Variants in ETV7 observed in about 807,000 individuals in gnomAD.
The protein encoded by ETV7 is transcription factor ETV7.
A neutral mutation model predicts 39.1 loss-of-function variants in ETV7; 43 were observed. The observed-to-expected ratio is 1.10, with a 90% CI of 0.86 to 1.42. The LOEUF is 1.42. ETV7 is among the 40% of genes most tolerant of loss of function. The pLI is 0.00. For missense variants in ETV7, 432 were observed against 442.3 expected (o/e 0.98, Z 0.21); for synonymous variants, 196 against 176.6 (o/e 1.11, Z -0.87).
chr6:36,360,648 C>T (rs1382701789), intron 7 of ETV7, among the ~76,000 whole-genome samples: 3 of 152,178 alleles, frequency 2.0e-5, no homozygotes, highest in Non-Finnish European at 4.4e-5. Flanking sequence ...CCCGGCCCCA[C>T]ACTAACACAA....
chr6:36,372,799 G>A (rs1001518180), intron 4 of ETV7, among the ~76,000 whole-genome samples: 6 of 147,500 alleles, frequency 4.1e-5, no homozygotes, highest in African/African-American at 7.6e-5. Context: ...GGCAGGCAGC[G>A]TGGGTGCACA....
downstream of ETV7, among the ~76,000 whole-genome samples, chr6:36,364,991 A>C (rs571058921): frequency 6.6e-6 from 1 of 152,186 alleles, no homozygotes; most frequent in Non-Finnish European, 1.5e-5. Context: ...CTCATGGGCT[A>C]TCACAGCTTT....
chr6:36,371,016 G>A (rs947864262), intron 5 of ETV7, among the ~76,000 whole-genome samples: 4 of 152,220 alleles, frequency 2.6e-5, no homozygotes, highest in Non-Finnish European at 5.9e-5. Context: ...CTGGCACATA[G>A]TGAATGCTCA....
At chr6:36,380,356 T>A (rs1429148594) in intron 2 of ETV7, among the ~76,000 whole-genome samples, 2 of 152,190 alleles carry the variant, frequency 1.3e-5, no homozygotes, top group Non-Finnish European at 2.9e-5. Context: ...TTAACCATCT[T>A]TGTCTCTCAA....
chr6:36,359,914 T>C (rs1050657152), intron 7 of ETV7, among the ~76,000 whole-genome samples: 2 of 152,124 alleles, frequency 1.3e-5, no homozygotes, highest in African/African-American at 4.8e-5. Context: ...TTTTTTTCTT[T>C]TGAGACCGAG....
intron 1 of ETV7, 135 bp downstream of exon 1, chr6:36,387,401 G>A: frequency 1.6e-6 from 2 of 1,265,082 alleles, no homozygotes; most frequent in Non-Finnish European, 2.3e-6. Flanking sequence ...TGAGGTTTAG[G>A]AATGTGTTGG....
At chr6:36,355,940 G>A (rs181238393) in intron 7 of ETV7, among the ~76,000 whole-genome samples, 195 of 152,274 alleles carry the variant, frequency 1.3e-3, no homozygotes, top group Non-Finnish European at 2.1e-3. Context: ...CTCCTCCTAC[G>A]ACAGAGATAA....
chr6:36,364,328 G>A (rs890612331), downstream of ETV7, among the ~76,000 whole-genome samples: 2 of 152,354 alleles, frequency 1.3e-5, no homozygotes, highest in African/African-American at 2.4e-5. Flanking sequence ...CCCATGGAGC[G>A]GGTGGGAGGC....
chr6:36,371,486 T>C lies in ETV7; in HGVS notation c.508A>G (p.Asn170Asp). Residue 170 changes from asparagine to aspartate, a missense_variant, in exon 5 of 8, where the codon AAC (asparagine) becomes GAC (aspartate). Physicochemically the swap from Asn to Asp is conservative, Grantham distance 23. Coordinates refer to ENST00000340181, the MANE Select transcript of ETV7 (RefSeq NM_016135.4). ...CCAGGGTCATCCAGGTGGCCGAAGT[T>C]GCTGGTAAGCCCTGGGTCTGGTGGC... is the stretch of plus-strand genomic sequence containing the variant. ...LQPPDPGLTS[N>D]FGHLDDPGLA... 6.2e-7 allele frequency: 1 copy of C among 1,605,484 alleles called. No individual in the cohort carries two copies. Among genetic ancestry groups the C allele is most frequent in the South Asian group, 1.1e-5 (1 of 89,270 alleles).
chr6:36,370,385 A>C (rs1410652375), intron 5 of ETV7, among the ~76,000 whole-genome samples: 1 of 152,052 alleles, frequency 6.6e-6, no homozygotes, highest in African/African-American at 2.4e-5. Flanking sequence ...TAAAACAAAA[A>C]TTAGCCAGGT....
chr6:36,379,046 T>A (rs1242773991), intron 2 of ETV7, among the ~76,000 whole-genome samples: 1 of 152,218 alleles, frequency 6.6e-6, no homozygotes, highest in African/African-American at 2.4e-5. Flanking sequence ...TGGTGATACA[T>A]GAGACGCCGA....
At position 36,366,896 on chromosome 6, in the gene ETV7, G is replaced by C; in HGVS notation, c.887C>G (p.Pro296Arg). Residue 296 changes from proline (P) to arginine (R), a missense_variant, in exon 7 of 8, where the codon CCG becomes CGG. Physicochemically the swap from Pro to Arg is moderately radical, Grantham distance 103. Coordinates refer to ENST00000340181, the MANE Select transcript of ETV7 (RefSeq NM_016135.4). Reference sequence around the variant, plus strand: ...TCACCTGAACAGGAGTTTCTGCCCCGGTTCCTTCTTAATGATATTAAGCTT... The same window carrying C: ...TCACCTGAACAGGAGTTTCTGCCCCCGTTCCTTCTTAATGATATTAAGCTT... ...YYKLNIIKKE[P>R]GQKLLFRFLK... is the part of the protein sequence containing the mutation. 6.2e-7 allele frequency: 1 copy of C among 1,613,948 alleles called. No homozygotes were observed. Among genetic ancestry groups the C allele is most frequent in the Non-Finnish European group, 8.5e-7 (1 of 1,179,952 alleles).
At chr6:36,356,379 T>C (rs1772343698) in intron 7 of ETV7, among the ~76,000 whole-genome samples, 4 of 145,198 alleles carry the variant, frequency 2.8e-5, no homozygotes, top group Admixed American at 2.7e-4. Flanking sequence ...CCCAAACATA[T>C]ATACAACTAT....
Position 36,375,723 on chromosome 6 carries a change from A to T in ETV7, c.307+148T>A, listed in dbSNP as rs2067017. The T allele has an allele frequency of 0.36, 461,786 of 1,273,934 alleles. 93,903 individuals carry two copies. The highest frequency in any genetic ancestry group is 0.8 in the African/African-American group (55,039 of 69,028). The allele number at this position is 1,273,934 out of a possible 1,614,324, so 78.9% of individuals were successfully genotyped here. Reference sequence around the variant, plus strand: ...GCTAGGAACCACCAGATACACACGTATGCAGAGGGGCATCTGCAGTGCTGG... The same window carrying T: ...GCTAGGAACCACCAGATACACACGTTTGCAGAGGGGCATCTGCAGTGCTGG... On this transcript the variant is annotated intron_variant, in intron 3 of 7. Coordinates refer to ENST00000340181, the MANE Select transcript of ETV7 (RefSeq NM_016135.4).
downstream of ETV7, among the ~76,000 whole-genome samples, chr6:36,362,570 T>C (rs1368086647): frequency 3.3e-5 from 5 of 152,228 alleles, no homozygotes; most frequent in East Asian, 9.6e-4. Context: ...CCTCACCTGG[T>C]GCCCGGTACA....
rs144086507 is a variant in ETV7 at position 36,360,664 on chromosome 6, G to A, written c.909-5977C>T. Among the ~76,000 whole-genome samples the A allele has an allele frequency of 1.3e-4, 20 of 152,278 alleles. 1 individual carries two copies. In the East Asian group the frequency reaches 3.7e-3, roughly 28 times the overall value. On this transcript the variant is annotated intron_variant, in intron 7 of 7. Transcript: ENST00000339796. ...CCGGCCCCACACTAACACAAAAAGAGGCTTTTGCACCACCTAGTGGACATG... is the reference window on the plus strand; with the variant it reads ...CCGGCCCCACACTAACACAAAAAGAAGCTTTTGCACCACCTAGTGGACATG...
chr6:36,362,988 G>A (rs887403902), downstream of ETV7, among the ~76,000 whole-genome samples: 9 of 152,242 alleles, frequency 5.9e-5, no homozygotes, highest in East Asian at 1.9e-4. Flanking sequence ...CTTCAGGAGC[G>A]AAGAAGCTGG....
In ETV7 at chr6:36,385,523, C is replaced by G. The variant is rs1255726773; in HGVS notation, c.142+11G>C. 6.2e-7 allele frequency: 1 copy of G among 1,614,062 alleles called. No homozygotes were observed. The highest frequency in any genetic ancestry group is 1.3e-5 in the African/African-American group (1 of 74,902). Reference sequence around the variant, plus strand: ...TTTAAAAACTCAGCTTTTCTCCTCCCCTCTACTTACGGAGTCTTCCTGGCA... The same window carrying G: ...TTTAAAAACTCAGCTTTTCTCCTCCGCTCTACTTACGGAGTCTTCCTGGCA... On this transcript the variant is annotated intron_variant, in intron 2 of 7. Transcript: ENST00000340181.
intron 2 of ETV7, among the ~76,000 whole-genome samples, chr6:36,376,582 C>T (rs1326912233): frequency 6.6e-6 from 1 of 152,034 alleles, no homozygotes; most frequent in Non-Finnish European, 1.5e-5. Flanking sequence ...TTCAAACCAT[C>T]CTGGCCAACA....
Sources: allele counts gnomAD v4.1 joint callset (sites outside exome capture counted in the v4.1 genomes callset), GRCh38; gene constraint gnomAD v4.1.1; transcripts MANE v1.5; gene names NCBI Gene and HGNC (gene_info 2026-07-23, HGNC 2026-07-21).